Variants in C10orf90 observed in about 807,000 individuals in gnomAD.
The protein encoded by C10orf90 is (E2-independent) E3 ubiquitin-conjugating enzyme FATS.
A neutral mutation model predicts 62.5 loss-of-function variants in C10orf90; 56 were observed. The observed-to-expected ratio is 0.90, with a 90% CI of 0.72 to 1.12. The LOEUF (loss-of-function observed/expected upper bound fraction) is 1.12, where lower values mean the gene tolerates loss of function less well. Among genes scored for constraint, C10orf90 ranks in the 50% most tolerant of loss-of-function variants. The pLI, the probability that C10orf90 is intolerant of heterozygous loss-of-function variation, is 0.00. For missense variants in C10orf90, 970 were observed against 880.4 expected, an observed-to-expected ratio of 1.10 and a Z score of -1.29; for synonymous variants, 386 against 340.4, an observed-to-expected ratio of 1.13 and a Z score of -1.47.
chr10:126,431,185 A>G (rs576862828), intron 7 of C10orf90, among the ~76,000 whole-genome samples: 1 of 152,366 alleles, frequency 6.6e-6, no homozygotes, highest in African/African-American at 2.4e-5. Context: ...TGTGAAGTAC[A>G]GTGTTAGCAC....
At chr10:126,614,300 C>T (rs556653545) in intron 2 of C10orf90, among the ~76,000 whole-genome samples, 5 of 152,096 alleles carry the variant, frequency 3.3e-5, no homozygotes, top group South Asian at 4.2e-4. Context: ...TCAAGGTCAT[C>T]GGGGTTAGAA....
intron 7 of C10orf90, among the ~76,000 whole-genome samples, chr10:126,457,798 T>C (rs1859678985): frequency 6.6e-6 from 1 of 152,210 alleles, no homozygotes; most frequent in South Asian, 2.1e-4. Flanking sequence ...AGTCTGTGCC[T>C]GAACCCAGTT....
chr10:126,426,238 G>A (rs538026473), intron 8 of C10orf90, 148 bp from the exon 9 acceptor site: 8 of 682,248 alleles, frequency 1.2e-5, no homozygotes, highest in East Asian at 5.4e-5. Context: ...ATGCCAGGAC[G>A]AAGGGCTTTC....
chr10:126,629,960 C>A (rs1845820305), intron 2 of C10orf90, among the ~76,000 whole-genome samples: 1 of 152,218 alleles, frequency 6.6e-6, no homozygotes, highest in Admixed American at 6.5e-5. Flanking sequence ...TTTACATTCA[C>A]CAACTTCTCT....
intron 2 of C10orf90, among the ~76,000 whole-genome samples, chr10:126,549,433 A>G (rs984764817): frequency 6.6e-6 from 1 of 152,238 alleles, no homozygotes. Flanking sequence ...ATTAGCCATT[A>G]GGGAAATGCA....
chr10:126,522,396 T>A (rs1564855276), intron 2 of C10orf90, among the ~76,000 whole-genome samples: 1 of 152,232 alleles, frequency 6.6e-6, no homozygotes, highest in Non-Finnish European at 1.5e-5. Flanking sequence ...GCCTTTCCAA[T>A]GAAATACACA....
chr10:126,487,045 T>C (rs1277301585), intron 4 of C10orf90, among the ~76,000 whole-genome samples: 2 of 144,924 alleles, frequency 1.4e-5, no homozygotes, highest in East Asian at 4.0e-4. Flanking sequence ...CTTGGGAGGC[T>C]GAGGCAGGAG....
intron 2 of C10orf90, among the ~76,000 whole-genome samples, chr10:126,561,676 A>G (rs761745072): frequency 1.3e-5 from 2 of 152,106 alleles, no homozygotes; most frequent in Admixed American, 6.5e-5. Flanking sequence ...GCTGCAAATT[A>G]AACAAGGGAC....
chr10:126,656,573 C>T (rs1026959007), intron 1 of C10orf90, among the ~76,000 whole-genome samples: 2 of 152,146 alleles, frequency 1.3e-5, no homozygotes, highest in Non-Finnish European at 2.9e-5. Context: ...AAGTTGTAAC[C>T]GAAATTTATC....
At chr10:126,475,638 CTTAA>C (rs1860817922) in intron 4 of C10orf90, among the ~76,000 whole-genome samples, 2 of 146,490 alleles carry the variant, frequency 1.4e-5, no homozygotes, top group South Asian at 2.1e-4. Flanking sequence ...AACTTAATAA[CTTAA>C]TTAAGTTGAA....
chr10:126,538,628 C>G (rs779039444), intron 2 of C10orf90, among the ~76,000 whole-genome samples: 2 of 152,240 alleles, frequency 1.3e-5, no homozygotes, highest in Admixed American at 6.5e-5. Flanking sequence ...TCTCCTATAA[C>G]TCCTCCAGCA....
At position 126,504,042 on chromosome 10, in the gene C10orf90, C is replaced by T; in HGVS notation, c.1449G>A (p.Gly483=). ...GACAATGAGTTGTATGGTCCTTTTC[C>T]CCTTTTCTTACAGTGACTTGGTTAG... The part of the protein sequence containing the change: ...VGANQVTVRK[G]EKDHTTHCHA... Residue 483 remains glycine, a synonymous_variant, in exon 4 of 10, where the codon GGG becomes GGA. Coordinates refer to ENST00000488181, the MANE Select transcript of C10orf90 (RefSeq NM_001350921.2). This position sits in a 1 kb window ranked among gnomAD's most constrained non-coding sequence, Gnocchi z 4.1. The T allele has an allele frequency of 6.2e-7, 1 of 1,614,106 alleles. No homozygotes were observed. Among genetic ancestry groups the T allele is most frequent in the African/African-American group, 1.3e-5 (1 of 75,034 alleles).
chr10:126,551,064 C>A (rs1407980902), intron 2 of C10orf90, among the ~76,000 whole-genome samples: 1 of 152,170 alleles, frequency 6.6e-6, no homozygotes, highest in Non-Finnish European at 1.5e-5. Flanking sequence ...TCTAAATACA[C>A]AAATACTCCA....
intron 2 of C10orf90, among the ~76,000 whole-genome samples, chr10:126,592,746 G>A (rs954599084): frequency 8.5e-5 from 13 of 152,304 alleles, no homozygotes; most frequent in African/African-American, 2.9e-4. Context: ...CATCAGCAGA[G>A]TGAACAGACA....
At chr10:126,513,796 T>C in intron 3 of C10orf90, 52 bp downstream of exon 3, 1 of 1,169,566 alleles carries the variant, frequency 8.6e-7, no homozygotes, top group Admixed American at 1.8e-5. Flanking sequence ...GATTATATTT[T>C]ATAGATGGGT....
chr10:126,667,183 C>T (rs1846648012), intron 1 of C10orf90, among the ~76,000 whole-genome samples: 2 of 151,596 alleles, frequency 1.3e-5, no homozygotes, highest in Non-Finnish European at 2.9e-5. Flanking sequence ...CTCAGCCTCC[C>T]GAGTAGCTGG....
intron 1 of C10orf90, among the ~76,000 whole-genome samples, chr10:126,647,557 C>G (rs539562607): frequency 2.0e-5 from 3 of 152,198 alleles, no homozygotes; most frequent in Non-Finnish European, 4.4e-5. Flanking sequence ...TCTGGCTTCC[C>G]CCCGATCCCA....
chr10:126,442,638 TATATATATATA>T (rs1564794989), intron 7 of C10orf90, among the ~76,000 whole-genome samples: 39 of 16,456 alleles, frequency 2.4e-3, no homozygotes, highest in African/African-American at 6.5e-3. Context: ...TGTGTGTATA[TATATATATATA>T]TATATATATA....
chr10:126,658,643 C>T (rs1195743319), intron 1 of C10orf90, among the ~76,000 whole-genome samples: 2 of 152,128 alleles, frequency 1.3e-5, no homozygotes, highest in African/African-American at 2.4e-5. Context: ...ACTTAGACCA[C>T]CATTAAATAG....
Sources: gnomAD v4.1 joint callset for allele counts (sites outside exome capture counted in the v4.1 genomes callset) on GRCh38, gnomAD v4.1.1 for gene constraint, Gnocchi (gnomAD v3.1) non-coding constraint, MANE v1.5 for transcripts, NCBI Gene and HGNC (gene_info 2026-07-23, HGNC 2026-07-21) for gene names.